Variants in POU6F2 observed in about 807,000 individuals in gnomAD.
The protein encoded by POU6F2 is POU domain, class 6, transcription factor 2.
Under a neutral mutation model 71.3 loss-of-function variants are expected in POU6F2, and 31 were observed. That is an observed-to-expected ratio of 0.43 (90% CI 0.33 to 0.59). The LOEUF (loss-of-function observed/expected upper bound fraction) is 0.59. Among genes scored for constraint, POU6F2 ranks in the 20% least tolerant of loss-of-function variants. POU6F2 has a pLI of 0.04. For synonymous variants in POU6F2, 347 were observed against 355.7 expected (o/e 0.98, Z 0.27); for missense variants, 783 against 856.8 (o/e 0.91, Z 1.07).
chr7:39,287,595 C>A (rs1784673775), intron 4 of POU6F2, among the ~76,000 whole-genome samples: 1 of 152,176 alleles, frequency 6.6e-6, no homozygotes, highest in Non-Finnish European at 1.5e-5. Flanking sequence ...GGCCTATTCC[C>A]TCTTAACTGT....
intron 1 of POU6F2, among the ~76,000 whole-genome samples, chr7:39,084,584 A>G (rs1251377078): frequency 6.6e-6 from 1 of 152,228 alleles, no homozygotes; most frequent in Admixed American, 6.5e-5. Flanking sequence ...TGACAGTGAC[A>G]TTGTTTTCAA....
chr7:39,001,183 G>A (rs1278101995), intron 1 of POU6F2, among the ~76,000 whole-genome samples: 2 of 151,872 alleles, frequency 1.3e-5, no homozygotes, highest in Admixed American at 6.6e-5. Context: ...AATGACTTAT[G>A]GGTATAGCAG....
At chr7:39,123,024 A>G (rs1792076471) in intron 2 of POU6F2, among the ~76,000 whole-genome samples, 1 of 152,082 alleles carries the variant, frequency 6.6e-6, no homozygotes, top group Admixed American at 6.6e-5. Context: ...CCAGTTACAC[A>G]CTGTGTGGTT....
At chr7:39,226,138 G>T (rs1478122212) in intron 4 of POU6F2, among the ~76,000 whole-genome samples, 3 of 152,070 alleles carry the variant, frequency 2.0e-5, no homozygotes, top group Non-Finnish European at 4.4e-5. Context: ...ACTTATGGAA[G>T]GTTGTAATGA....
chr7:39,202,235 A>G (rs116438153), intron 2 of POU6F2, among the ~76,000 whole-genome samples: 2,028 of 152,340 alleles, frequency 0.013, 45 homozygotes, highest in African/African-American at 0.046. Flanking sequence ...CCTAAACATT[A>G]CAATGGCATG....
intron 5 of POU6F2, among the ~76,000 whole-genome samples, chr7:39,353,879 A>C (rs1201255083): frequency 1.3e-5 from 2 of 152,226 alleles, no homozygotes; most frequent in Non-Finnish European, 2.9e-5. Context: ...ACACCGATTA[A>C]AATGAAAAAC....
chr7:39,386,010 C>A (rs1248825511), intron 5 of POU6F2, among the ~76,000 whole-genome samples: 1 of 151,252 alleles, frequency 6.6e-6, no homozygotes, highest in Non-Finnish European at 1.5e-5. Flanking sequence ...CCCAGCTACT[C>A]GAGAGGCTGA....
chr7:39,265,114 GT>G (rs1324536572), intron 4 of POU6F2, among the ~76,000 whole-genome samples: 3 of 152,124 alleles, frequency 2.0e-5, no homozygotes, highest in Admixed American at 2.0e-4. Context: ...TCACTTTGCT[GT>G]TTTATAGAAA....
At chr7:39,156,763 A>C (rs1329546101) in intron 2 of POU6F2, among the ~76,000 whole-genome samples, 1 of 152,190 alleles carries the variant, frequency 6.6e-6, no homozygotes, top group African/African-American at 2.4e-5. Flanking sequence ...CAAGATGAAA[A>C]CCAGTGTTCC....
intron 1 of POU6F2, among the ~76,000 whole-genome samples, chr7:39,012,467 G>A (rs2128703612): frequency 6.7e-6 from 1 of 149,388 alleles, no homozygotes; most frequent in Middle Eastern, 3.4e-3. Flanking sequence ...CCTTTGGTTT[G>A]AATGTCCTCC....
At chr7:39,034,388 G>A (rs913901667) in intron 1 of POU6F2, 2 of 312,122 alleles carry the variant, frequency 6.4e-6, no homozygotes, top group Admixed American at 5.9e-5. Flanking sequence ...TAGGAGAGAG[G>A]GGGGAGGCAG....
In POU6F2 at chr7:39,325,863, A is replaced by T. The variant is rs952569076; in HGVS notation, c.599-13779A>T. On this transcript the variant is annotated intron_variant, in intron 4 of 9. Coordinates refer to ENST00000518318, the MANE Select transcript of POU6F2 (RefSeq NM_001370959.1). ...GCCGGGGTGCATCTTGCTTTGCTGAATTTAAGGAATTATTTTATTAACACA... is the reference window on the plus strand; with the variant it reads ...GCCGGGGTGCATCTTGCTTTGCTGATTTTAAGGAATTATTTTATTAACACA... Among the ~76,000 whole-genome samples, 17 of 152,318 alleles carry T rather than the reference A, an allele frequency of 1.1e-4. No individual in the cohort carries two copies. In the South Asian group the frequency reaches 2.9e-3, roughly 26 times the overall value.
chr7:39,290,052 C>A (rs2128761869), intron 4 of POU6F2, among the ~76,000 whole-genome samples: 1 of 152,216 alleles, frequency 6.6e-6, no homozygotes, highest in South Asian at 2.1e-4. Context: ...TAAGATAAAG[C>A]ACCATCCAAA....
intron 7 of POU6F2, among the ~76,000 whole-genome samples, chr7:39,443,943 C>T (rs1264810669): frequency 6.6e-6 from 1 of 152,126 alleles, no homozygotes; most frequent in Non-Finnish European, 1.5e-5. Context: ...ACATAGAGTT[C>T]CCTAACTCAT....
intron 5 of POU6F2, among the ~76,000 whole-genome samples, chr7:39,390,584 T>C (rs989037326): frequency 1.3e-5 from 2 of 152,178 alleles, no homozygotes; most frequent in Non-Finnish European, 2.9e-5. Context: ...TTGAGAAGCA[T>C]CTAGGTTTGG....
At chr7:39,313,701 C>T (rs182148251) in intron 4 of POU6F2, among the ~76,000 whole-genome samples, 5 of 152,192 alleles carry the variant, frequency 3.3e-5, no homozygotes, top group Non-Finnish European at 4.4e-5. Flanking sequence ...GACAATCTGA[C>T]GAATACCTAG....
Position 39,233,380 on chromosome 7 carries a change from G to T in POU6F2, c.598+25760G>T, listed in dbSNP as rs775396528. On this transcript the variant is annotated intron_variant, in intron 4 of 9. Transcript: ENST00000518318. ...GCTTTTCTCAACATTATCACTAGCTGCCTTATTAATTAAGTAATTAAGGTG... is the reference window on the plus strand; with the variant it reads ...GCTTTTCTCAACATTATCACTAGCTTCCTTATTAATTAAGTAATTAAGGTG... 5.3e-5 allele frequency among the ~76,000 whole-genome samples: 8 copies of T among 151,670 alleles called. 1 individual carries two copies. The Middle Eastern group carries it at 0.01, about 199-fold the overall frequency.
chr7:39,409,573 C>A (rs912283292), intron 6 of POU6F2, among the ~76,000 whole-genome samples: 1 of 152,170 alleles, frequency 6.6e-6, no homozygotes, highest in Non-Finnish European at 1.5e-5. Flanking sequence ...CAAATGGAAC[C>A]CACATGAGGC....
At chr7:39,366,126 A>G (rs767551481) in intron 5 of POU6F2, among the ~76,000 whole-genome samples, 2 of 152,202 alleles carry the variant, frequency 1.3e-5, no homozygotes, top group Non-Finnish European at 2.9e-5. Context: ...AACAAACTCC[A>G]GTTGTTTCAC....
Sources: gnomAD v4.1 joint callset for allele counts (sites outside exome capture counted in the v4.1 genomes callset) on GRCh38, gnomAD v4.1.1 for gene constraint, MANE v1.5 for transcripts, NCBI Gene and HGNC (gene_info 2026-07-23, HGNC 2026-07-21) for gene names.